CTNNBL1: variants seen among roughly 807,000 people sequenced by gnomAD.
The protein encoded by CTNNBL1 is catenin beta like 1.
In CTNNBL1, 31 loss-of-function variants were observed where a neutral mutation model predicts 72.7. The ratio of observed to expected loss-of-function variants is 0.43; its 90% CI spans 0.32 to 0.58. The LOEUF (loss-of-function observed/expected upper bound fraction) is 0.58, where lower values mean the gene tolerates loss of function less well. Among genes scored for constraint, CTNNBL1 ranks in the 20% least tolerant of loss-of-function variants. CTNNBL1 has a pLI of 0.08. For missense variants in CTNNBL1, 534 were observed against 725.1 expected, an observed-to-expected ratio of 0.74 and a Z score of 3.03; for synonymous variants, 240 against 267.3, an observed-to-expected ratio of 0.90 and a Z score of 1.00.
chr20:37,759,906 GA>G (rs2073400074), intron 5 of CTNNBL1, among the ~76,000 whole-genome samples: 1 of 152,176 alleles, frequency 6.6e-6, no homozygotes. Context: ...GCCAATATCT[GA>G]GGCCTAGAAT....
intron 11 of CTNNBL1, among the ~76,000 whole-genome samples, chr20:37,813,100 T>C (rs1445684664): frequency 5.3e-5 from 8 of 152,072 alleles, no homozygotes; most frequent in African/African-American, 1.9e-4. Context: ...TCATTGAAAA[T>C]GTTGGGGACG....
chr20:37,866,945 T>TG (rs1324970187), intron 15 of CTNNBL1, among the ~76,000 whole-genome samples: 2 of 151,112 alleles, frequency 1.3e-5, no homozygotes, highest in African/African-American at 4.9e-5. Context: ...CTTGTGGGGG[T>TG]GGGTGGTTGT....
At chr20:37,841,205 A>G (rs1347974643) in intron 12 of CTNNBL1, among the ~76,000 whole-genome samples, 7 of 152,228 alleles carry the variant, frequency 4.6e-5, no homozygotes, top group Admixed American at 3.9e-4. Flanking sequence ...TAACTTACCC[A>G]AGAAAGGTTT....
rs116236684 is a variant in CTNNBL1, at chr20:37,754,476, T to G, written c.467-3083T>G. On this transcript the variant is annotated intron_variant, in intron 4 of 15. Transcript: ENST00000361383. ...TGGGTGGATGGGTGGATGGATGGAT[T>G]TAGGTGAATGTTGCTATGCATATTA... is the stretch of plus-strand genomic sequence containing the variant. Among the ~76,000 whole-genome samples, 1,108 of 152,146 alleles carry G rather than the reference T, an allele frequency of 7.3e-3. 15 individuals carry two copies. The highest frequency in any genetic ancestry group is 0.026 in the African/African-American group (1,062 of 41,500).
At chr20:37,728,886 A>T (rs1337937828) in intron 1 of CTNNBL1, among the ~76,000 whole-genome samples, 1 of 152,194 alleles carries the variant, frequency 6.6e-6, no homozygotes, top group Non-Finnish European at 1.5e-5. Context: ...ACTTAAAGGT[A>T]ACCCTCTTAG....
intron 11 of CTNNBL1, among the ~76,000 whole-genome samples, chr20:37,831,970 G>C (rs1459746029): frequency 2.0e-5 from 3 of 152,192 alleles, no homozygotes; most frequent in Non-Finnish European, 4.4e-5. Flanking sequence ...TTTATTAAAA[G>C]GTAGGACCAT....
At chr20:37,848,844 G>A (rs936363004) in intron 13 of CTNNBL1, among the ~76,000 whole-genome samples, 19 of 151,674 alleles carry the variant, frequency 1.3e-4, no homozygotes, top group Admixed American at 6.5e-4. Context: ...TGAGATTGGG[G>A]CTAAGTGCCA....
rs6021012 is a variant in CTNNBL1 at position 37,801,653 on chromosome 20, G to A, written c.1032-1214G>A. Among the ~76,000 whole-genome samples the A allele has an allele frequency of 3.1e-3, 469 of 152,288 alleles. 5 individuals are homozygous for A. The highest frequency in any genetic ancestry group is 0.01 in the African/African-American group (416 of 41,562). ...AGATGCAGAAAAAGCATCTGACACA[G>A]CCCAACATTCTTTCATACCAATAGT... is the stretch of plus-strand genomic sequence containing the variant. On this transcript the variant is annotated intron_variant, in intron 10 of 15. Coordinates refer to ENST00000361383, the MANE Select transcript of CTNNBL1 (RefSeq NM_030877.5).
chr20:37,746,142 C>T (rs1365596426), intron 3 of CTNNBL1, among the ~76,000 whole-genome samples: 1 of 152,122 alleles, frequency 6.6e-6, no homozygotes, highest in Non-Finnish European at 1.5e-5. Context: ...ATTGCCACAC[C>T]AAGGGGTAAT....
chr20:37,859,820 A>G lies in CTNNBL1; in HGVS notation c.1393-79A>G. The G allele has an allele frequency of 2.0e-6, 3 of 1,470,228 alleles. No homozygotes were observed. The South Asian group carries it at 3.8e-5, about 18-fold the overall frequency. 91.1% of individuals were successfully genotyped at this position (1,470,228 alleles called of 1,614,324 possible). On this transcript the variant is annotated intron_variant, in intron 13 of 15. Transcript: ENST00000361383. ...TGTTATAGTTGCTATTGTTGTGTGT[A>G]TTATGGCCAGACTAGGAGTCCATTC...
intron 15 of CTNNBL1, among the ~76,000 whole-genome samples, chr20:37,870,432 G>A (rs1258880581): frequency 1.3e-5 from 2 of 151,912 alleles, no homozygotes; most frequent in Admixed American, 6.6e-5. Context: ...CAGTCCTTGC[G>A]GGGATTCTGG....
intron 10 of CTNNBL1, among the ~76,000 whole-genome samples, chr20:37,782,957 A>G (rs925213433): frequency 3.9e-5 from 6 of 152,184 alleles, no homozygotes; most frequent in Non-Finnish European, 2.9e-5. Context: ...CTCAGTTACA[A>G]TAGCCACATT....
At chr20:37,744,894 T>A (rs887137616) in intron 3 of CTNNBL1, among the ~76,000 whole-genome samples, 4 of 152,166 alleles carry the variant, frequency 2.6e-5, no homozygotes, top group Non-Finnish European at 4.4e-5. Context: ...ATTGAAGCGG[T>A]TGGTCAAACA....
chr20:37,795,320 A>T (rs1259231486), intron 10 of CTNNBL1, among the ~76,000 whole-genome samples: 1 of 151,894 alleles, frequency 6.6e-6, no homozygotes, highest in African/African-American at 2.4e-5. Context: ...AGCTAATTTA[A>T]AAAAAATATT....
In CTNNBL1 at chr20:37,718,384, C is replaced by T. The variant is rs549219476; in HGVS notation, c.31-14495C>T. ...GCCGGGCAGAGGCACCCCTCACCTCCGGGACGGGGCGGCTGGCCGGGCGGG... is the reference window on the plus strand; with the variant it reads ...GCCGGGCAGAGGCACCCCTCACCTCTGGGACGGGGCGGCTGGCCGGGCGGG... On this transcript the variant is annotated intron_variant, in intron 1 of 15. Coordinates refer to ENST00000361383, the MANE Select transcript of CTNNBL1 (RefSeq NM_030877.5). 1.1e-3 allele frequency among the ~76,000 whole-genome samples: 154 copies of T among 140,142 alleles called. 1 individual carries two copies. Among genetic ancestry groups the T allele is most frequent in the African/African-American group, 4.1e-3 (140 of 34,134 alleles). 91.9% of individuals were successfully genotyped at this position (140,142 alleles called of 152,430 possible).
At chr20:37,777,312 A>C (rs772918537) in intron 7 of CTNNBL1, 33 bp from the exon 8 acceptor site, 2 of 1,572,058 alleles carry the variant, frequency 1.3e-6, no homozygotes, top group Admixed American at 3.3e-5. Context: ...AAGACCCCTT[A>C]ACATTTTTCT....
chr20:37,858,068 G>A (rs552321452), intron 13 of CTNNBL1, among the ~76,000 whole-genome samples: 2 of 152,330 alleles, frequency 1.3e-5, no homozygotes, highest in African/African-American at 4.8e-5. Flanking sequence ...GTGGTGGCAT[G>A]CACCTGTAGT....
At chr20:37,717,715 G>A (rs1488615628) in intron 1 of CTNNBL1, among the ~76,000 whole-genome samples, 3 of 152,072 alleles carry the variant, frequency 2.0e-5, no homozygotes, top group Non-Finnish European at 2.9e-5. Context: ...TAAACAAGTG[G>A]ACAAAGGTCT....
intron 13 of CTNNBL1, among the ~76,000 whole-genome samples, chr20:37,859,474 T>C (rs1351514077): frequency 3.9e-5 from 6 of 152,060 alleles, no homozygotes; most frequent in Non-Finnish European, 8.8e-5. Flanking sequence ...TCTTACCTCA[T>C]CATAAAGTCG....
Sources: allele counts gnomAD v4.1 joint callset (sites outside exome capture counted in the v4.1 genomes callset), GRCh38; gene constraint gnomAD v4.1.1; transcripts MANE v1.5; gene names NCBI Gene and HGNC (gene_info 2026-07-23, HGNC 2026-07-21).